The following COL22A1 variants were observed in gnomAD, a reference collection of about 807,000 sequenced individuals.
COL22A1 encodes the protein collagen type XXII alpha 1 chain, also known as collagen alpha-1(XXII) chain.
In COL22A1, 221 loss-of-function variants were observed where a neutral mutation model predicts 248.9. That is an observed-to-expected ratio of 0.89 (90% confidence interval 0.80 to 0.99). The LOEUF (loss-of-function observed/expected upper bound fraction) is 0.99, where lower values mean the gene tolerates loss of function less well. Among genes scored for constraint, COL22A1 ranks in the 50% least tolerant of loss-of-function variants. The probability of loss-of-function intolerance (pLI) is 0.00; values close to 1 mark genes in which losing one functional copy is unlikely to be tolerated. For synonymous variants in COL22A1, 891 were observed against 793.4 expected, an observed-to-expected ratio of 1.12 and a Z score of -2.07; for missense variants, 2,240 against 2,179.0, an observed-to-expected ratio of 1.03 and a Z score of -0.56.
intron 10 of COL22A1, among the ~76,000 whole-genome samples, chr8:138,806,638 C>T (rs957553585): frequency 6.6e-5 from 10 of 152,120 alleles, no homozygotes; most frequent in Admixed American, 5.9e-4. Flanking sequence ...CTGCTTGTCA[C>T]GCAGGGTTGA....
chr8:138,762,649 A>G (rs1833586116), intron 16 of COL22A1, among the ~76,000 whole-genome samples, 183 bp from the exon 17 acceptor site: 1 of 152,166 alleles, frequency 6.6e-6, no homozygotes, highest in Admixed American at 6.5e-5. Context: ...GACAAGGAAC[A>G]TAGGTCTAGG....
intron 2 of COL22A1, among the ~76,000 whole-genome samples, chr8:138,882,287 C>G (rs556420877): frequency 1.3e-5 from 2 of 152,054 alleles, no homozygotes; most frequent in South Asian, 4.1e-4. Flanking sequence ...CATTAACACT[C>G]ACATGCATAC....
Position 138,833,107 on chromosome 8 carries a change from C to T in COL22A1, c.777G>A (p.Gly259=). Residue 259 remains glycine, a synonymous_variant, in exon 5 of 65, where the codon GGG becomes GGA. Transcript: ENST00000303045. ...MDLFSVKEIL[G]KRENGAQSSY... is the part of the protein sequence containing the mutation. ...AACTCTGAGCTCCATTCTCTCTCTT[C>T]CCCAAGATTTCCTTCACACTGAACA... 1 of 1,613,950 alleles carries T rather than the reference C, an allele frequency of 6.2e-7. No individual in the cohort carries two copies. The highest frequency in any genetic ancestry group is 1.1e-5 in the South Asian group (1 of 91,076).
intron 1 of COL22A1, among the ~76,000 whole-genome samples, chr8:138,897,832 T>C (rs1352201526): frequency 6.6e-6 from 1 of 150,936 alleles, no homozygotes; most frequent in Non-Finnish European, 1.5e-5. Context: ...AGAGATCATG[T>C]CTTTTTTGGG....
chr8:138,665,234 A>T (rs1375970148), intron 41 of COL22A1, among the ~76,000 whole-genome samples: 1 of 152,184 alleles, frequency 6.6e-6, no homozygotes, highest in African/African-American at 2.4e-5. Context: ...CCTGCCCTGG[A>T]GGGGAGCAGG....
At chr8:138,691,735 T>G (rs1168488845) in intron 35 of COL22A1, among the ~76,000 whole-genome samples, 1 of 151,356 alleles carries the variant, frequency 6.6e-6, no homozygotes, top group East Asian at 2.0e-4. Flanking sequence ...CATGTGAGTG[T>G]GCATGTTTGT....
chr8:138,743,665 G>C (rs1325205612), intron 22 of COL22A1, among the ~76,000 whole-genome samples: 1 of 152,170 alleles, frequency 6.6e-6, no homozygotes, highest in East Asian at 1.9e-4. Flanking sequence ...ATAAAGAGCT[G>C]TTTTACTAAC....
intron 16 of COL22A1, among the ~76,000 whole-genome samples, chr8:138,770,229 G>A (rs749903119): frequency 1.3e-5 from 2 of 152,170 alleles, no homozygotes; most frequent in Non-Finnish European, 2.9e-5. Flanking sequence ...GCCACCCAAC[G>A]TTGTCTGGGA....
chr8:138,737,691 T>G, intron 22 of COL22A1, 114 bp from the exon 23 acceptor site: 1 of 699,370 alleles, frequency 1.4e-6, no homozygotes, highest in Middle Eastern at 4.0e-4. Flanking sequence ...CCTCCCAGAT[T>G]AACAATTGTC....
chr8:138,766,042 C>T (rs1833888616), intron 16 of COL22A1, among the ~76,000 whole-genome samples: 1 of 152,232 alleles, frequency 6.6e-6, no homozygotes, highest in Non-Finnish European at 1.5e-5. Context: ...TCCACCCACT[C>T]CCCTCAGACT....
At chr8:138,647,336 G>A (rs1822293812) in intron 46 of COL22A1, among the ~76,000 whole-genome samples, 1 of 152,064 alleles carries the variant, frequency 6.6e-6, no homozygotes, top group Admixed American at 6.5e-5. Context: ...AAACAACCCA[G>A]CGAAACCACT....
intron 6 of COL22A1, among the ~76,000 whole-genome samples, chr8:138,822,578 A>T (rs557542438): frequency 6.6e-6 from 1 of 152,270 alleles, no homozygotes; most frequent in South Asian, 2.1e-4. Context: ...CTGCAAGGTT[A>T]GTCTTCATCT....
intron 12 of COL22A1, among the ~76,000 whole-genome samples, chr8:138,781,806 G>A (rs142073550): frequency 4.1e-4 from 62 of 152,288 alleles, no homozygotes; most frequent in African/African-American, 1.2e-3. Context: ...CCAGCTCTCC[G>A]TCAGTGTCTG....
At position 138,821,371 on chromosome 8, in the gene COL22A1, T is replaced by A. The variant is rs775516211; in HGVS notation, c.1010A>T (p.Tyr337Phe). The part of the protein sequence containing the change: ...RLDGENKAVE[Y>F]NAVGAMKDAV... ...ATCTTTCATGGCACCCACAGCGTTG[T>A]ACTCGACTGCCTTGTTTTCACCATC... Residue 337 changes from tyrosine to phenylalanine, a missense_variant, in exon 7 of 65, where the codon TAC (tyrosine) becomes TTC (phenylalanine). Transcript: ENST00000303045. 4 of 1,613,978 alleles carry A rather than the reference T, an allele frequency of 2.5e-6. No individual in the cohort carries two copies. The African/African-American group carries it at 4.0e-5, about 16-fold the overall frequency.
At chr8:138,832,374 T>C (rs1820112301) in intron 5 of COL22A1, among the ~76,000 whole-genome samples, 1 of 152,146 alleles carries the variant, frequency 6.6e-6, no homozygotes, top group African/African-American at 2.4e-5. Flanking sequence ...GGGTCAGGAT[T>C]GGGTAACAAT....
chr8:138,610,354 G>T (rs1278148368), intron 56 of COL22A1, among the ~76,000 whole-genome samples: 2 of 152,166 alleles, frequency 1.3e-5, no homozygotes, highest in African/African-American at 4.8e-5. Context: ...ACAGTTTTCA[G>T]GCCACACATA....
chr8:138,664,241 A>G (rs1166491472), intron 41 of COL22A1, among the ~76,000 whole-genome samples: 14 of 151,008 alleles, frequency 9.3e-5, no homozygotes, highest in African/African-American at 3.2e-4. Flanking sequence ...ACACACACAC[A>G]CACACACACA....
At chr8:138,821,827 G>A (rs1032986125) in intron 6 of COL22A1, among the ~76,000 whole-genome samples, 9 of 152,068 alleles carry the variant, frequency 5.9e-5, no homozygotes, top group African/African-American at 2.2e-4. Context: ...TTTTAAAATC[G>A]TGGGCTGGTT....
intron 44 of COL22A1, among the ~76,000 whole-genome samples, chr8:138,658,913 C>T (rs1823543203): frequency 6.6e-6 from 1 of 150,734 alleles, no homozygotes; most frequent in South Asian, 2.1e-4. Flanking sequence ...CTCTCTCTCC[C>T]CTCAGCTCTC....
Sources: gnomAD v4.1 joint callset for allele counts (sites outside exome capture counted in the v4.1 genomes callset) on GRCh38, gnomAD v4.1.1 for gene constraint, MANE v1.5 for transcripts, NCBI Gene and HGNC (gene_info 2026-07-23, HGNC 2026-07-21) for gene names.